The following PLS3 variants were observed in gnomAD, a reference collection of about 807,000 sequenced individuals.
PLS3 encodes plastin 3.
PLS3 carries 11 observed loss-of-function variants against 46.5 expected under a neutral mutation model. The ratio of observed to expected loss-of-function variants is 0.24; its 90% CI spans 0.15 to 0.39. PLS3 has a LOEUF of 0.39. PLS3 is among the 10% of genes least tolerant of loss of function. The probability of loss-of-function intolerance (pLI) is 1.00; values close to 1 mark genes in which losing one functional copy is unlikely to be tolerated. For synonymous variants in PLS3, 167 were observed against 162.2 expected, an observed-to-expected ratio of 1.03 and a Z score of -0.22; for missense variants, 308 against 461.8, an observed-to-expected ratio of 0.67 and a Z score of 3.05.
chrX:115,618,055 G>T (rs1310018402), intron 2 of PLS3, among the ~76,000 whole-genome samples: 8 of 110,566 alleles, frequency 7.2e-5, no homozygotes, highest in Non-Finnish European at 1.1e-4. Flanking sequence ...GCCTCCCAAA[G>T]CGCTGGGATT....
At chrX:115,606,010 G>A (rs782746764) in intron 1 of PLS3, among the ~76,000 whole-genome samples, 1 of 107,309 alleles carries the variant, frequency 9.3e-6, no homozygotes, top group African/African-American at 3.4e-5. Context: ...GAGAAGTAGC[G>A]GGGAGGGGCA....
chrX:115,596,727 C>T (rs2074392891), intron 1 of PLS3, among the ~76,000 whole-genome samples: 1 of 111,004 alleles, frequency 9.0e-6, no homozygotes, highest in Non-Finnish European at 1.9e-5. Flanking sequence ...ATGCTAGCAA[C>T]TGTGAAAGCT....
intron 8 of PLS3, among the ~76,000 whole-genome samples, chrX:115,637,678 G>A (rs1021467210): frequency 2.7e-5 from 3 of 111,644 alleles, no homozygotes; most frequent in African/African-American, 9.8e-5. Flanking sequence ...ATTGTGTGGA[G>A]TTCTCCTTAA....
intron 5 of PLS3, among the ~76,000 whole-genome samples, chrX:115,632,533 T>A (rs782684147): frequency 1.8e-5 from 2 of 111,537 alleles, no homozygotes; most frequent in African/African-American, 6.5e-5. Context: ...AGATTTTTCC[T>A]AATGAGTCAC....
chrX:115,608,893 T>C (rs1556635728), intron 1 of PLS3, among the ~76,000 whole-genome samples: 1 of 109,578 alleles, frequency 9.1e-6, no homozygotes, highest in Non-Finnish European at 1.9e-5. Context: ...TTGGGAACTC[T>C]CTGTAACTTC....
intron 1 of PLS3, among the ~76,000 whole-genome samples, chrX:115,602,964 A>G (rs782571285): frequency 9.0e-6 from 1 of 111,477 alleles, no homozygotes; most frequent in South Asian, 3.8e-4. Flanking sequence ...ACTGAATGAC[A>G]CAGATGAATA....
intron 6 of PLS3, among the ~76,000 whole-genome samples, 196 bp downstream of exon 6, chrX:115,634,277 C>G (rs1480455683): frequency 8.9e-6 from 1 of 111,916 alleles, no homozygotes; most frequent in East Asian, 2.8e-4. Context: ...AATGTTGGAA[C>G]TGAGGTTCAA....
At position 115,576,183 on chromosome X, in the gene PLS3, G is replaced by A. The variant is rs782089421; in HGVS notation, c.-9+14923G>A. On this transcript the variant is annotated intron_variant, in intron 1 of 15. Coordinates refer to ENST00000355899, the MANE Select transcript of PLS3 (RefSeq NM_005032.7). ...TTTTAAGAAGACATTAGTGTTTTAC[G>A]TTTAGGTATTTTGACAGTAAGTTTG... is the stretch of plus-strand genomic sequence containing the variant. 1.1e-4 allele frequency among the ~76,000 whole-genome samples: 12 copies of A among 112,255 alleles called. No homozygotes were observed. In the South Asian group the frequency reaches 4.5e-3, roughly 42 times the overall value.
chrX:115,630,885 A>G (rs2074763127), intron 5 of PLS3, among the ~76,000 whole-genome samples: 1 of 96,094 alleles, frequency 1.0e-5, no homozygotes, highest in African/African-American at 3.8e-5. Flanking sequence ...ATGTATATAT[A>G]TGTATAATAT....
At chrX:115,592,878 A>G (rs966324939) in intron 1 of PLS3, among the ~76,000 whole-genome samples, 1 of 111,237 alleles carries the variant, frequency 9.0e-6, no homozygotes, top group South Asian at 3.8e-4. Context: ...CCAGAATTTG[A>G]ACCCAATCTG....
At chrX:115,601,424 T>C (rs1465015515) in intron 1 of PLS3, among the ~76,000 whole-genome samples, 1 of 105,141 alleles carries the variant, frequency 9.5e-6, no homozygotes, top group Non-Finnish European at 1.9e-5. Flanking sequence ...AGTGTAAAGA[T>C]TGCACTGGAG....
In PLS3 at chrX:115,645,364, T is replaced by C. The variant is rs182197818; in HGVS notation, c.1262+265T>C. On this transcript the variant is annotated intron_variant, in intron 11 of 15. Coordinates refer to ENST00000355899, the MANE Select transcript of PLS3 (RefSeq NM_005032.7). ...TACTTTATATTTTGAAACAGCTGTTTGGGAGGTTGAGGTGGGGGCATTGCT... is the reference window on the plus strand; with the variant it reads ...TACTTTATATTTTGAAACAGCTGTTCGGGAGGTTGAGGTGGGGGCATTGCT... 5.4e-3 allele frequency among the ~76,000 whole-genome samples: 598 copies of C among 110,813 alleles called. 3 individuals are homozygous for C. Among genetic ancestry groups the C allele is most frequent in the African/African-American group, 0.019 (582 of 30,506 alleles).
intron 1 of PLS3, among the ~76,000 whole-genome samples, chrX:115,576,203 A>G (rs1320797711): frequency 1.8e-5 from 2 of 112,179 alleles, no homozygotes; most frequent in Non-Finnish European, 3.8e-5. Flanking sequence ...TTTGACAGTA[A>G]GTTTGAGGGA....
intron 5 of PLS3, among the ~76,000 whole-genome samples, chrX:115,632,867 G>A (rs1465502601): frequency 9.1e-6 from 1 of 109,593 alleles, no homozygotes; most frequent in Non-Finnish European, 1.9e-5. Flanking sequence ...AAGTAGCTAG[G>A]ACTACAAGCA....
chrX:115,608,589 G>A (rs2074517210), intron 1 of PLS3, among the ~76,000 whole-genome samples: 1 of 112,001 alleles, frequency 8.9e-6, no homozygotes, highest in South Asian at 3.7e-4. Context: ...ATGACTGATC[G>A]AATGTATGAT....
At chrX:115,604,847 G>A (rs997977199) in intron 1 of PLS3, among the ~76,000 whole-genome samples, 1 of 111,841 alleles carries the variant, frequency 8.9e-6, no homozygotes, top group Non-Finnish European at 1.9e-5. Flanking sequence ...TACTTAATGT[G>A]ATGTTTTCTC....
chrX:115,620,590 C>A (rs1271492875), intron 2 of PLS3, among the ~76,000 whole-genome samples: 1 of 110,633 alleles, frequency 9.0e-6, no homozygotes, highest in Non-Finnish European at 1.9e-5. Context: ...TAGAAGCATC[C>A]CCAGCCTCTA....
chrX:115,611,114 G>T (rs1279810022), intron 2 of PLS3, among the ~76,000 whole-genome samples: 2 of 112,211 alleles, frequency 1.8e-5, no homozygotes, highest in Non-Finnish European at 3.8e-5. Context: ...GATTTGTTAT[G>T]TAAATCAGAA....
At chrX:115,591,633 T>C (rs1207588091) in intron 1 of PLS3, among the ~76,000 whole-genome samples, 1 of 112,050 alleles carries the variant, frequency 8.9e-6, no homozygotes, top group Non-Finnish European at 1.9e-5. Context: ...ATTTCTGGTC[T>C]AAACTGATAC....
Sources: allele counts gnomAD v4.1 joint callset (sites outside exome capture counted in the v4.1 genomes callset), GRCh38; gene constraint gnomAD v4.1.1; transcripts MANE v1.5; gene names NCBI Gene and HGNC (gene_info 2026-07-23, HGNC 2026-07-21).